MNAT1: variants seen among roughly 807,000 people sequenced by gnomAD.
The protein encoded by MNAT1 is CDK-activating kinase assembly factor MAT1.
Under a neutral mutation model 42.0 loss-of-function variants are expected in MNAT1, and 43 were observed. The ratio of observed to expected loss-of-function variants is 1.02; its 90% confidence interval spans 0.80 to 1.32. The LOEUF is 1.32. MNAT1 is among the 40% of genes most tolerant of loss of function. The pLI is 0.00. For synonymous variants in MNAT1, 118 were observed against 120.0 expected (o/e 0.98, Z 0.11); for missense variants, 306 against 350.4 (o/e 0.87, Z 1.01).
chr14:60,841,733 T>TAA (rs1315643054), intron 6 of MNAT1, among the ~76,000 whole-genome samples: 3 of 152,246 alleles, frequency 2.0e-5, no homozygotes, highest in Non-Finnish European at 4.4e-5. Context: ...GGGATGCAGT[T>TAA]AAGTTAGCTA....
chr14:60,833,122 AACAGAGACAATTTG>A (rs1057355098), intron 6 of MNAT1, among the ~76,000 whole-genome samples: 1 of 152,136 alleles, frequency 6.6e-6, no homozygotes, highest in African/African-American at 2.4e-5. Context: ...GTCATCTGCA[AACAGAGACAATTTG>A]ACTTCCTCTC....
At chr14:60,956,686 C>T (rs1336806475) in intron 7 of MNAT1, among the ~76,000 whole-genome samples, 8 of 152,248 alleles carry the variant, frequency 5.3e-5, no homozygotes, top group East Asian at 3.9e-4. Flanking sequence ...GCTCTGACTT[C>T]GGTTCACATA....
chr14:60,933,689 A>G (rs1254952893), intron 7 of MNAT1, among the ~76,000 whole-genome samples: 1 of 152,162 alleles, frequency 6.6e-6, no homozygotes, highest in Admixed American at 6.5e-5. Flanking sequence ...TCCCATAGCT[A>G]TTGACAGTCT....
At chr14:60,913,448 C>G (rs562762977) in intron 7 of MNAT1, among the ~76,000 whole-genome samples, 1 of 152,282 alleles carries the variant, frequency 6.6e-6, no homozygotes, top group Admixed American at 6.5e-5. Flanking sequence ...TTTTCCCCAT[C>G]TTTGTGGTTT....
At chr14:60,890,300 C>T (rs1391936704) in intron 7 of MNAT1, among the ~76,000 whole-genome samples, 3 of 152,104 alleles carry the variant, frequency 2.0e-5, no homozygotes, top group Admixed American at 6.6e-5. Flanking sequence ...CATAAATTTA[C>T]GTACTCATGA....
intron 1 of MNAT1, among the ~76,000 whole-genome samples, chr14:60,776,999 C>T (rs2031277029): frequency 1.3e-5 from 2 of 152,042 alleles, no homozygotes; most frequent in South Asian, 2.1e-4. Context: ...AGGTGCACAC[C>T]ACCACTCCCG....
At chr14:60,822,629 G>T (rs2032927767) in intron 6 of MNAT1, among the ~76,000 whole-genome samples, 1 of 150,754 alleles carries the variant, frequency 6.6e-6, no homozygotes, top group Non-Finnish European at 1.5e-5. Flanking sequence ...TGGAGAGGAG[G>T]CAGGGTATAG....
intron 6 of MNAT1, among the ~76,000 whole-genome samples, chr14:60,847,817 T>A (rs780818768): frequency 2.0e-5 from 3 of 152,234 alleles, no homozygotes; most frequent in Non-Finnish European, 4.4e-5. Context: ...GTTAGTAATA[T>A]GTAGAATATT....
chr14:60,897,285 G>C (rs1418216564), intron 7 of MNAT1, among the ~76,000 whole-genome samples: 1 of 152,016 alleles, frequency 6.6e-6, no homozygotes, highest in African/African-American at 2.4e-5. Flanking sequence ...TTTCATATAA[G>C]AGTTACGGTT....
intron 6 of MNAT1, among the ~76,000 whole-genome samples, chr14:60,876,729 C>T (rs1488745361): frequency 6.6e-6 from 1 of 152,016 alleles, no homozygotes; most frequent in Admixed American, 6.6e-5. Context: ...TCAGGTCCAT[C>T]CATGTTGTCA....
rs1896259276 is a variant in MNAT1, at chr14:60,734,893, A to T, written c.31A>T (p.Thr11Ser). Residue 11 changes from threonine to serine, a missense_variant, in exon 1 of 8, where the codon ACC (threonine) becomes TCC (serine). By Grantham distance (58) the Thr-to-Ser change is moderately conservative. Around this residue, in one of 3 missense-constraint regions of MNAT1, gnomAD observed 72 missense variants for 111.0 expected, o/e 0.65. Transcript: ENST00000261245. The surrounding 1 kb of genome is among the most constrained non-coding windows in gnomAD (Gnocchi z 4.3). ...CGATCAGGGTTGCCCTCGGTGTAAG[A>T]CCACCAAATATCGGAACCCCTCCTT... The part of the protein sequence containing the change: MDDQGCPRCK[T>S]TKYRNPSLKL... 1.2e-6 allele frequency: 2 copies of T among 1,614,088 alleles called. No individual in the cohort carries two copies. The highest frequency in any genetic ancestry group is 1.7e-6 in the Non-Finnish European group (2 of 1,180,008).
At chr14:60,933,645 A>C (rs1261111951) in intron 7 of MNAT1, among the ~76,000 whole-genome samples, 1 of 152,190 alleles carries the variant, frequency 6.6e-6, no homozygotes, top group Non-Finnish European at 1.5e-5. Context: ...TTAAGTAAAA[A>C]GCATAATCAC....
intron 6 of MNAT1, among the ~76,000 whole-genome samples, chr14:60,837,357 C>G (rs1373992200): frequency 6.6e-6 from 1 of 152,174 alleles, no homozygotes; most frequent in East Asian, 1.9e-4. Flanking sequence ...GGCTAGGCAC[C>G]TGAGGGAATC....
At chr14:60,933,836 A>G (rs2035937629) in intron 7 of MNAT1, among the ~76,000 whole-genome samples, 1 of 152,176 alleles carries the variant, frequency 6.6e-6, no homozygotes, top group South Asian at 2.1e-4. Flanking sequence ...TGAATTCCCC[A>G]GAAAATCTAC....
intron 7 of MNAT1, among the ~76,000 whole-genome samples, chr14:60,924,669 G>C (rs1332084240): frequency 6.6e-6 from 1 of 152,042 alleles, no homozygotes; most frequent in Non-Finnish European, 1.5e-5. Flanking sequence ...AACCCATACA[G>C]AGAAAACTAC....
At chr14:60,952,702 A>T (rs532428119) in intron 7 of MNAT1, among the ~76,000 whole-genome samples, 1 of 152,158 alleles carries the variant, frequency 6.6e-6, no homozygotes, top group Non-Finnish European at 1.5e-5. Flanking sequence ...TGCCAGTGGG[A>T]TACCCAGGTA....
At chr14:60,947,608 G>A (rs1013861818) in intron 7 of MNAT1, among the ~76,000 whole-genome samples, 4 of 152,164 alleles carry the variant, frequency 2.6e-5, no homozygotes, top group South Asian at 2.1e-4. Context: ...GCTTGAACCC[G>A]GGAGGCAGAG....
At chr14:60,848,731 A>G (rs2033742524) in intron 6 of MNAT1, among the ~76,000 whole-genome samples, 1 of 152,300 alleles carries the variant, frequency 6.6e-6, no homozygotes. Context: ...ATAAAAACAC[A>G]TATAAAAATA....
At chr14:60,851,387 C>T (rs4151257) in intron 6 of MNAT1, among the ~76,000 whole-genome samples, 6,278 of 151,012 alleles carry the variant, frequency 0.042, 204 homozygotes, top group Non-Finnish European at 0.058. Flanking sequence ...GCAGATACTG[C>T]GTTTTTAAAC....
Sources: gnomAD v4.1 joint callset for allele counts (sites outside exome capture counted in the v4.1 genomes callset) on GRCh38, gnomAD v4.1.1 for gene constraint, gnomAD v4.1.1 regional missense constraint, Gnocchi (gnomAD v3.1) non-coding constraint, MANE v1.5 for transcripts, NCBI Gene and HGNC (gene_info 2026-07-23, HGNC 2026-07-21) for gene names.